Variants in RPS6KA3 observed in about 807,000 individuals in gnomAD.
RPS6KA3 encodes the protein ribosomal protein S6 kinase alpha-3.
RPS6KA3 carries 4 observed loss-of-function variants against 67.2 expected under a neutral mutation model. That is an observed-to-expected ratio of 0.06 (90% CI 0.03 to 0.14). RPS6KA3 has a LOEUF of 0.14. Among genes scored for constraint, RPS6KA3 ranks in the 10% least tolerant of loss-of-function variants. The pLI, the probability that RPS6KA3 is intolerant of heterozygous loss-of-function variation, is 1.00. For missense variants in RPS6KA3, 204 were observed against 559.0 expected, an observed-to-expected ratio of 0.36 and a Z score of 6.40; for synonymous variants, 182 against 183.7, an observed-to-expected ratio of 0.99 and a Z score of 0.07.
At chrX:20,176,650 G>T in intron 11 of RPS6KA3, 152 bp from the exon 12 acceptor site, 1 of 475,548 alleles carries the variant, frequency 2.1e-6, no homozygotes, top group Non-Finnish European at 3.6e-6. Flanking sequence ...GGAGCGCAGT[G>T]GTGTGATCTC....
intron 10 of RPS6KA3, 74 bp from the exon 11 acceptor site, chrX:20,177,158 A>T (rs760231532): frequency 1.4e-6 from 1 of 734,315 alleles, no homozygotes; most frequent in Non-Finnish European, 2.1e-6. Context: ...TTCTTAAATT[A>T]AACTTTTTGA....
chrX:20,174,753 G>A (rs888436777), intron 14 of RPS6KA3, among the ~76,000 whole-genome samples: 4 of 110,496 alleles, frequency 3.6e-5, no homozygotes, highest in African/African-American at 1.3e-4. Flanking sequence ...GATATAAAAT[G>A]TATTTTATTT....
At chrX:20,229,561 G>A (rs1381327734) in intron 2 of RPS6KA3, among the ~76,000 whole-genome samples, 2 of 112,045 alleles carry the variant, frequency 1.8e-5, no homozygotes, top group Non-Finnish European at 3.8e-5. Context: ...AATGTGTGTA[G>A]TTCTAAGCCA....
chrX:20,179,854 G>A (rs989045556), intron 10 of RPS6KA3, among the ~76,000 whole-genome samples: 1 of 110,704 alleles, frequency 9.0e-6, no homozygotes, highest in African/African-American at 3.3e-5. Context: ...ACTTTGGGAG[G>A]CGGAGGTGGG....
intron 2 of RPS6KA3, among the ~76,000 whole-genome samples, chrX:20,210,810 C>A (rs904205697): frequency 9.0e-6 from 1 of 110,804 alleles, no homozygotes; most frequent in African/African-American, 3.3e-5. Context: ...CACAACGATC[C>A]TGTGCAGTAG....
chrX:20,194,970 C>T (rs1460888371), intron 5 of RPS6KA3, 95 bp downstream of exon 5: 6 of 520,589 alleles, frequency 1.2e-5, no homozygotes, highest in Admixed American at 5.7e-5. Context: ...TAACCACATA[C>T]AAATATATAT....
At chrX:20,263,162 A>G (rs1198858372) in intron 1 of RPS6KA3, among the ~76,000 whole-genome samples, 3 of 112,045 alleles carry the variant, frequency 2.7e-5, no homozygotes, top group African/African-American at 9.7e-5. Flanking sequence ...AATAACCTCC[A>G]TAATTTTATC....
intron 19 of RPS6KA3, 45 bp from the exon 20 acceptor site, chrX:20,161,806 C>T (rs1439601406): frequency 4.3e-6 from 2 of 465,802 alleles, no homozygotes; most frequent in Non-Finnish European, 6.2e-6. Context: ...AAATTTATTA[C>T]TTGGTTGGTA....
intron 3 of RPS6KA3, among the ~76,000 whole-genome samples, chrX:20,208,403 T>C (rs564660917): frequency 9.0e-6 from 1 of 111,036 alleles, no homozygotes; most frequent in African/African-American, 3.3e-5. Context: ...AAGCGCTACA[T>C]GAAAAACACT....
chrX:20,173,107 T>C (rs1194655509), intron 14 of RPS6KA3, among the ~76,000 whole-genome samples: 1 of 112,248 alleles, frequency 8.9e-6, no homozygotes, highest in East Asian at 2.8e-4. Context: ...AAAAATTGAA[T>C]TTGCACAACA....
At chrX:20,258,513 C>T (rs150210642) in intron 1 of RPS6KA3, among the ~76,000 whole-genome samples, 1,581 of 111,660 alleles carry the variant, frequency 0.014, 24 homozygotes, top group African/African-American at 0.041. Context: ...CATTTGACAT[C>T]TGCTTCTAAC....
At chrX:20,236,856 T>C (rs2069423163) in intron 1 of RPS6KA3, among the ~76,000 whole-genome samples, 1 of 111,891 alleles carries the variant, frequency 8.9e-6, no homozygotes, top group African/African-American at 3.2e-5. Context: ...GACAACCATT[T>C]ATTCAACTGA....
chrX:20,150,604 T>C lies in RPS6KA3; in HGVS notation c.*4794A>G, dbSNP rs1364388643. On this transcript the variant is annotated 3_prime_UTR_variant, in exon 22 of 22. Transcript: ENST00000379565. ...TATGCCCTTGCTTTGTACGTGAAAG[T>C]TCTATTTTAAATACTTGTTTGAAAA... 1 of 112,364 alleles carries C rather than the reference T, an allele frequency of 8.9e-6. No homozygotes were observed. Among genetic ancestry groups the C allele is most frequent in the Non-Finnish European group, 1.9e-5 (1 of 53,158 alleles). 9.3% of individuals were successfully genotyped at this position (112,364 alleles called of 1,213,427 possible). A position where few individuals can be genotyped will look rare whatever the true frequency, so the allele number is the denominator to read the frequency against.
chrX:20,240,285 CTTT>C lies in RPS6KA3; in HGVS notation c.70-5474_70-5472del, dbSNP rs778713587. Among the ~76,000 whole-genome samples the C allele has an allele frequency of 3.7e-3, 199 of 54,357 alleles. 4 individuals are homozygous for C. Among genetic ancestry groups the C allele is most frequent in the African/African-American group, 0.016 (169 of 10,553 alleles). The allele number at this position is 54,357 out of a possible 115,157, so 47.2% of individuals were successfully genotyped here. On this transcript the variant is annotated intron_variant, in intron 1 of 21. Coordinates refer to ENST00000379565, the MANE Select transcript of RPS6KA3 (RefSeq NM_004586.3). ...GCTGTAGGAATGAACAAGGACCATA[CTTT>C]TTTTTTTTTTTTTTTTTTTTTTTTT...
intron 20 of RPS6KA3, among the ~76,000 whole-genome samples, chrX:20,158,180 C>A (rs189826951): frequency 1.3e-4 from 14 of 108,059 alleles, no homozygotes; most frequent in Non-Finnish European, 2.1e-4. Context: ...GCCTGGGCAA[C>A]GTAGTGGGAC....
At chrX:20,167,304 C>G (rs2067465621) in intron 17 of RPS6KA3, among the ~76,000 whole-genome samples, 1 of 111,747 alleles carries the variant, frequency 8.9e-6, no homozygotes. Flanking sequence ...GCCTGGTTTT[C>G]ATGAGTACAG....
intron 2 of RPS6KA3, among the ~76,000 whole-genome samples, chrX:20,212,678 A>C (rs1421301129): frequency 9.1e-6 from 1 of 110,218 alleles, no homozygotes; most frequent in East Asian, 2.9e-4. Flanking sequence ...GGTCGAGGCT[A>C]CAGTGAGCCA....
intron 1 of RPS6KA3, among the ~76,000 whole-genome samples, chrX:20,238,496 C>A (rs1002004115): frequency 9.1e-6 from 1 of 110,093 alleles, no homozygotes; most frequent in African/African-American, 3.3e-5. Context: ...ATATTAGATT[C>A]CAAATCTGTC....
chrX:20,171,791 C>T (rs779213968), intron 15 of RPS6KA3, among the ~76,000 whole-genome samples: 3 of 112,036 alleles, frequency 2.7e-5, no homozygotes, highest in Non-Finnish European at 5.6e-5. Context: ...TTAGTCTTTT[C>T]TCCTTTCATG....
Sources: allele counts gnomAD v4.1 joint callset (sites outside exome capture counted in the v4.1 genomes callset), GRCh38; gene constraint gnomAD v4.1.1; transcripts MANE v1.5; gene names NCBI Gene and HGNC (gene_info 2026-07-23, HGNC 2026-07-21).